Variants in PRRC2B observed in about 807,000 individuals in gnomAD.
The protein encoded by PRRC2B is proline rich coiled-coil 2B, also known as protein PRRC2B.
In PRRC2B, 68 loss-of-function variants were observed where a neutral mutation model predicts 242.3. The observed-to-expected ratio is 0.28, with a 90% CI of 0.23 to 0.34. PRRC2B has a LOEUF of 0.34. Ranked by LOEUF, PRRC2B falls within the 10% of genes least tolerant of loss-of-function variation. The pLI, the probability that PRRC2B is intolerant of heterozygous loss-of-function variation, is 1.00. For missense variants in PRRC2B, 2,835 were observed against 2,954.8 expected (o/e 0.96, Z 0.94); for synonymous variants, 1,228 against 1,173.6 (o/e 1.05, Z -0.95).
intron 14 of PRRC2B, among the ~76,000 whole-genome samples, chr9:131,472,390 C>T (rs187972510): frequency 5.0e-4 from 76 of 152,034 alleles, no homozygotes; most frequent in African/African-American, 1.7e-3. Flanking sequence ...CTGCAACCTC[C>T]GCCTCCCGGG....
chr9:131,493,409 C>T (rs1400887454), intron 30 of PRRC2B, among the ~76,000 whole-genome samples: 5 of 152,352 alleles, frequency 3.3e-5, no homozygotes, highest in East Asian at 3.9e-4. Context: ...AGGAGGAAGG[C>T]GGCTGCAGGT....
At chr9:131,408,273 C>T (rs1259943476) in intron 1 of PRRC2B, among the ~76,000 whole-genome samples, 4 of 152,114 alleles carry the variant, frequency 2.6e-5, no homozygotes, top group Admixed American at 1.3e-4. Context: ...TGGACACAAA[C>T]GAAAAATGTG....
chr9:131,478,649 G>GGGGGGGGGGGGGCCCGGGGC, intron 18 of PRRC2B, 30 bp downstream of exon 18: 1 of 504,560 alleles, frequency 2.0e-6, no homozygotes, highest in Non-Finnish European at 4.0e-6. Flanking sequence ...GGGGCATGGG[G>GGGGGGGGGGGGGCCCGGGGC]CTGGAGGGCA....
intron 15 of PRRC2B, 118 bp from the exon 16 acceptor site, chr9:131,474,336 A>T (rs1943627721): frequency 6.9e-6 from 6 of 869,526 alleles, no homozygotes; most frequent in Non-Finnish European, 6.9e-6. Context: ...CTTTCTTTTT[A>T]AAAAGTGTTT....
chr9:131,394,452 C>T (rs984690294), intron 1 of PRRC2B, among the ~76,000 whole-genome samples, 189 bp downstream of exon 1: 42 of 146,264 alleles, frequency 2.9e-4, no homozygotes, highest in Admixed American at 4.7e-4. Context: ...GGCTGCGGGG[C>T]TGGGAGGCCG....
chr9:131,460,748 G>C (rs1486517690), intron 11 of PRRC2B, among the ~76,000 whole-genome samples: 1 of 152,098 alleles, frequency 6.6e-6, no homozygotes, highest in Non-Finnish European at 1.5e-5. Flanking sequence ...CTTTTTCCCT[G>C]TTCTCCATCC....
At chr9:131,447,509 C>T (rs1171853587) in intron 8 of PRRC2B, among the ~76,000 whole-genome samples, 153 bp from the exon 9 acceptor site, 3 of 152,088 alleles carry the variant, frequency 2.0e-5, no homozygotes, top group South Asian at 2.1e-4. Context: ...GGGATGTACT[C>T]GTTTGCTCAT....
rs1837195841 is a variant in PRRC2B at position 131,400,359 on chromosome 9, C to T, written c.-52+6096C>T. On this transcript the variant is annotated intron_variant, in intron 1 of 31. Transcript: ENST00000683519. ...TTTGAGATGGCATCTTGTTCTGTTG[C>T]GCAGGCTGGAGTGCAGCCGTGCGAT... Among the ~76,000 whole-genome samples, 4 of 151,238 alleles carry T rather than the reference C, an allele frequency of 2.6e-5. No individual in the cohort carries two copies. The Middle Eastern group carries it at 0.01, about 386-fold the overall frequency.
At position 131,384,142 on chromosome 9, in the gene PRRC2B, T is replaced by C. The variant is rs566885467; in HGVS notation, c.-56+10411T>C. Reference sequence around the variant, plus strand: ...TATTGCTCTGTTGCCCAGGCTGGAGTGCAGTGGCACGATCTCAGCTCACTG... The same window carrying C: ...TATTGCTCTGTTGCCCAGGCTGGAGCGCAGTGGCACGATCTCAGCTCACTG... On this transcript the variant is annotated intron_variant, in intron 1 of 1. Coordinates refer to the PRRC2B transcript ENST00000682525. 9.4e-4 allele frequency among the ~76,000 whole-genome samples: 129 copies of C among 137,474 alleles called. 1 individual carries two copies. In the Middle Eastern group the frequency reaches 0.012, roughly 13 times the overall value. 90.2% of individuals were successfully genotyped at this position (137,474 alleles called of 152,430 possible).
intron 28 of PRRC2B, among the ~76,000 whole-genome samples, chr9:131,488,926 C>A (rs537993534): frequency 1.2e-3 from 187 of 152,278 alleles, no homozygotes; most frequent in African/African-American, 4.5e-3. Context: ...TCTCCACTCT[C>A]CTGTTCCAGT....
At chr9:131,484,631 C>T (rs570515837) in intron 23 of PRRC2B, 55 bp from the exon 24 acceptor site, 10 of 1,457,578 alleles carry the variant, frequency 6.9e-6, no homozygotes, top group Non-Finnish European at 9.4e-6. Flanking sequence ...TGGGTTTGGG[C>T]AAAGCCATCT....
intron 22 of PRRC2B, among the ~76,000 whole-genome samples, 189 bp downstream of exon 22, chr9:131,483,096 A>T (rs1318025818): frequency 1.3e-5 from 2 of 152,046 alleles, no homozygotes; most frequent in African/African-American, 4.8e-5. Context: ...TGCTTTAAAG[A>T]TTGCTTCACT....
At position 131,446,173 on chromosome 9, in the gene PRRC2B, C is replaced by G. The variant is rs1250932473; in HGVS notation, c.614-228C>G. Among the ~76,000 whole-genome samples the G allele has an allele frequency of 6.6e-6, 1 of 152,162 alleles. No homozygotes were observed. The highest frequency in any genetic ancestry group is 1.5e-5 in the Non-Finnish European group (1 of 68,024). On this transcript the variant is annotated intron_variant, in intron 6 of 31. Coordinates refer to ENST00000683519, the MANE Select transcript of PRRC2B (RefSeq NM_013318.4). The surrounding 1 kb of genome is among the most constrained non-coding windows in gnomAD (Gnocchi z 4.1). ...GATGAAGCCTTCTCTCTGAGTAGAT[C>G]TCATTTTATATTTCACAGTCAGACT...
At chr9:131,396,545 C>T (rs1837063896) in intron 1 of PRRC2B, among the ~76,000 whole-genome samples, 1 of 152,118 alleles carries the variant, frequency 6.6e-6, no homozygotes, top group African/African-American at 2.4e-5. Flanking sequence ...AGGCTAGTCT[C>T]AGACATCCGA....
At chr9:131,391,729 C>G (rs148928479), upstream of PRRC2B, among the ~76,000 whole-genome samples, 511 of 152,292 alleles carry the variant, frequency 3.4e-3, 1 homozygote, top group Middle Eastern at 0.014. Context: ...CACCCTGTTA[C>G]TGTTCAGCCT....
At chr9:131,430,616 A>AGT (rs1838133731) in intron 2 of PRRC2B, among the ~76,000 whole-genome samples, 1 of 135,088 alleles carries the variant, frequency 7.4e-6, no homozygotes. Flanking sequence ...TTTTGGAGAC[A>AGT]GAGTCTCACT....
chr9:131,481,665 TC>T (rs1943872998), intron 19 of PRRC2B, 60 bp from the exon 20 acceptor site: 1 of 1,317,276 alleles, frequency 7.6e-7, no homozygotes, highest in Non-Finnish European at 1.1e-6. Context: ...CTTTAAGAGC[TC>T]ATAAACTCTC....
rs1019625859 is a variant in PRRC2B, at chr9:131,387,476, A to G, written c.-56+13745A>G. 2.7e-4 allele frequency among the ~76,000 whole-genome samples: 41 copies of G among 150,362 alleles called. 3 individuals carry two copies. The highest frequency in any genetic ancestry group is 9.5e-4 in the African/African-American group (39 of 41,232). Reference sequence around the variant, plus strand: ...GGATTAATACTTTATATCTTTCAATACAATCAAGTTGACACTCAGTATTAA... The same window carrying G: ...GGATTAATACTTTATATCTTTCAATGCAATCAAGTTGACACTCAGTATTAA... On this transcript the variant is annotated intron_variant, in intron 1 of 1. Coordinates refer to the PRRC2B transcript ENST00000682525.
chr9:131,431,381 C>T (rs9802853), intron 2 of PRRC2B, among the ~76,000 whole-genome samples: 112,331 of 151,656 alleles, frequency 0.74, 42,305 homozygotes, highest in East Asian at 0.93. Flanking sequence ...CGGCTTGCCT[C>T]GGCCTCCCAA....
Sources: gnomAD v4.1 joint callset for allele counts (sites outside exome capture counted in the v4.1 genomes callset) on GRCh38, gnomAD v4.1.1 for gene constraint, Gnocchi (gnomAD v3.1) non-coding constraint, MANE v1.5 for transcripts, NCBI Gene and HGNC (gene_info 2026-07-23, HGNC 2026-07-21) for gene names.